The following NXPE2 variants were observed in gnomAD, a reference collection of about 807,000 sequenced individuals.
NXPE2 encodes the protein NXPE family member 2.
In NXPE2, 34 loss-of-function variants were observed where a neutral mutation model predicts 34.4. The observed-to-expected ratio is 0.99, with a 90% CI of 0.75 to 1.31. The LOEUF (loss-of-function observed/expected upper bound fraction) is 1.31, where lower values mean the gene tolerates loss of function less well. Ranked by LOEUF, NXPE2 falls within the 40% of genes most tolerant of loss-of-function variation. NXPE2 has a pLI of 0.00. For missense variants in NXPE2, 649 were observed against 672.5 expected (o/e 0.97, Z 0.39); for synonymous variants, 235 against 231.3 (o/e 1.02, Z -0.15).
the NXPE2 span, among the ~76,000 whole-genome samples, chr11:114,495,235 C>T: frequency 6.6e-6 from 1 of 151,568 alleles, no homozygotes; most frequent in South Asian, 2.1e-4. Context: ...TATGTTCGCT[C>T]AAGGTTCAAG....
At chr11:114,744,018 G>A in the NXPE2 span, among the ~76,000 whole-genome samples, 1 of 150,866 alleles carries the variant, frequency 6.6e-6, no homozygotes, top group Non-Finnish European at 1.5e-5. Flanking sequence ...TTGTGTCTAT[G>A]GATTCTGCTC....
At chr11:114,571,816 C>G in the NXPE2 span, among the ~76,000 whole-genome samples, 1 of 152,144 alleles carries the variant, frequency 6.6e-6, no homozygotes, top group African/African-American at 2.4e-5. Context: ...TTTGAAGGAA[C>G]AGGATCACCA....
the NXPE2 span, among the ~76,000 whole-genome samples, chr11:114,516,289 G>T: frequency 6.6e-6 from 1 of 152,174 alleles, no homozygotes; most frequent in East Asian, 1.9e-4. Context: ...GGGACATTCA[G>T]GCAAGGGTAG....
chr11:114,618,547 C>A, the NXPE2 span, among the ~76,000 whole-genome samples: 1 of 151,946 alleles, frequency 6.6e-6, no homozygotes, highest in Non-Finnish European at 1.5e-5. Flanking sequence ...CTAGGGTGAT[C>A]ACTGTTACCC....
the NXPE2 span, among the ~76,000 whole-genome samples, chr11:114,563,221 A>C: frequency 1.3e-5 from 2 of 152,136 alleles, no homozygotes. Flanking sequence ...TCAGTACAAG[A>C]GGCAATAAAG....
At chr11:114,641,811 G>T in the NXPE2 span, among the ~76,000 whole-genome samples, 2 of 151,986 alleles carry the variant, frequency 1.3e-5, no homozygotes, top group African/African-American at 4.8e-5. Flanking sequence ...AAATGAAAAA[G>T]GGTATATCAC....
downstream of NXPE2, among the ~76,000 whole-genome samples, chr11:114,708,974 T>C (rs1859557678): frequency 6.6e-6 from 1 of 152,230 alleles, no homozygotes; most frequent in Non-Finnish European, 1.5e-5. Flanking sequence ...CACTCTACAA[T>C]GTGCCTTCTC....
chr11:114,634,284 T>C, the NXPE2 span, among the ~76,000 whole-genome samples: 1 of 152,106 alleles, frequency 6.6e-6, no homozygotes, highest in Non-Finnish European at 1.5e-5. Context: ...TCTGTTCATG[T>C]CCTTTGCCCA....
At chr11:114,782,730 C>T in the NXPE2 span, among the ~76,000 whole-genome samples, 1 of 152,302 alleles carries the variant, frequency 6.6e-6, no homozygotes, top group Non-Finnish European at 1.5e-5. Context: ...AGATAAATTT[C>T]TCTTCATCAG....
At chr11:114,594,193 G>A in the NXPE2 span, among the ~76,000 whole-genome samples, 3 of 152,026 alleles carry the variant, frequency 2.0e-5, no homozygotes, top group Non-Finnish European at 4.4e-5. Flanking sequence ...TGTCTTGTTT[G>A]TAGCACAAGA....
chr11:114,571,310 G>T, the NXPE2 span: 1 of 1,613,994 alleles, frequency 6.2e-7, no homozygotes, highest in Non-Finnish European at 8.5e-7. Context: ...CTCCAGTTCT[G>T]TCAATGGCCC....
the NXPE2 span, among the ~76,000 whole-genome samples, chr11:114,647,421 A>C: frequency 8.5e-5 from 13 of 152,312 alleles, no homozygotes; most frequent in African/African-American, 2.9e-4. Flanking sequence ...TGTCACTTGT[A>C]AAACTATCTA....
the NXPE2 span, among the ~76,000 whole-genome samples, chr11:114,500,580 A>G: frequency 6.6e-6 from 1 of 152,064 alleles, no homozygotes; most frequent in Non-Finnish European, 1.5e-5. Context: ...TCTTTTTTAC[A>G]GTGTCTTTTG....
chr11:114,545,935 C>T, the NXPE2 span, among the ~76,000 whole-genome samples: 1 of 152,024 alleles, frequency 6.6e-6, no homozygotes, highest in African/African-American at 2.4e-5. Flanking sequence ...GCGATCCACC[C>T]ACCTCGGCCT....
the NXPE2 span, among the ~76,000 whole-genome samples, chr11:114,617,811 TAA>T: frequency 5.0e-4 from 76 of 152,238 alleles, no homozygotes; most frequent in Admixed American, 1.4e-3. Flanking sequence ...CGATGGATAA[TAA>T]GTGTTGCCTC....
At chr11:114,553,781 C>T in the NXPE2 span, 1 of 984,682 alleles carries the variant, frequency 1.0e-6, no homozygotes, top group Non-Finnish European at 1.2e-6. Flanking sequence ...GAGCTGAACC[C>T]AGCCTTTGCT....
At chr11:114,667,863 C>T in the NXPE2 span, among the ~76,000 whole-genome samples, 20 of 152,132 alleles carry the variant, frequency 1.3e-4, no homozygotes, top group African/African-American at 4.8e-4. Flanking sequence ...CCCAAATAAG[C>T]CACTCCTAAG....
the NXPE2 span, chr11:114,551,346 C>T: frequency 1.4e-6 from 2 of 1,408,550 alleles, no homozygotes; most frequent in Non-Finnish European, 1.9e-6. Flanking sequence ...TTTCCCTCTG[C>T]TAACTAACAA....
chr11:114,794,900 A>G, the NXPE2 span, among the ~76,000 whole-genome samples: 532 of 136,266 alleles, frequency 3.9e-3, 1 homozygote, highest in Non-Finnish European at 2.1e-3. Context: ...GCTGTGAACC[A>G]TGAAAGCTCA....
Sources: allele counts gnomAD v4.1 joint callset (sites outside exome capture counted in the v4.1 genomes callset), GRCh38; gene constraint gnomAD v4.1.1; transcripts MANE v1.5; gene names NCBI Gene and HGNC (gene_info 2026-07-23, HGNC 2026-07-21).